Variants in MGME1 observed in about 807,000 individuals in gnomAD.
The protein encoded by MGME1 is mitochondrial genome maintenance exonuclease 1, also known as chromosome 20 open reading frame 72.
In MGME1, 22 loss-of-function variants were observed where a neutral mutation model predicts 33.0. The observed-to-expected ratio is 0.67, with a 90% CI of 0.48 to 0.95. The LOEUF (loss-of-function observed/expected upper bound fraction) is 0.95, where lower values mean the gene tolerates loss of function less well. Among genes scored for constraint, MGME1 ranks in the 40% least tolerant of loss-of-function variants. The pLI is 0.00. For missense variants in MGME1, 383 were observed against 397.8 expected (o/e 0.96, Z 0.32); for synonymous variants, 133 against 144.0 (o/e 0.92, Z 0.55).
chr20:17,974,055 T>TTGTG (rs10656525), intron 2 of MGME1, among the ~76,000 whole-genome samples: 44 of 109,502 alleles, frequency 4.0e-4, no homozygotes, highest in Non-Finnish European at 6.3e-4. Flanking sequence ...TTGAGTCTCT[T>TTGTG]TGTGTGTTTT....
intron 3 of MGME1, among the ~76,000 whole-genome samples, chr20:17,985,159 C>T (rs6111775): frequency 0.28 from 42,651 of 152,066 alleles, 6,218 homozygotes; most frequent in East Asian, 0.43. Context: ...CATGGTGGCT[C>T]ATGCCTGTAA....
Position 17,990,813 on chromosome 20 carries a change from TAACTATTTCTGGCGTGAGTCA to T in MGME1, c.*706_*726del, listed in dbSNP as rs1376217680. 6.6e-6 allele frequency: 1 copy of T among 152,244 alleles called. No homozygotes were observed. The highest frequency in any genetic ancestry group is 2.4e-5 in the African/African-American group (1 of 41,462). The allele number at this position is 152,244 out of a possible 1,614,324, so 9.4% of individuals were successfully genotyped here. A position where few individuals can be genotyped will look rare whatever the true frequency, so the allele number is the denominator to read the frequency against. On this transcript the variant is annotated 3_prime_UTR_variant, in exon 5 of 5. Transcript: ENST00000377710. ...AACATCACAATTCTAAGTGTTTTAGTAACTATTTCTGGCGTGAGTCAACAGATCATGTAGATAGAGTCAATT... is the reference window on the plus strand; with the variant it reads ...AACATCACAATTCTAAGTGTTTTAGTACAGATCATGTAGATAGAGTCAATT...
chr20:17,973,483 AC>A (rs2035780160), intron 2 of MGME1, among the ~76,000 whole-genome samples: 2 of 152,066 alleles, frequency 1.3e-5, no homozygotes, highest in African/African-American at 4.8e-5. Context: ...TTGCATCTCT[AC>A]AAAAAAAAAA....
At chr20:17,968,762 G>T, upstream of MGME1, 3 of 358,460 alleles carry the variant, frequency 8.4e-6, no homozygotes, top group Non-Finnish European at 1.5e-5. Flanking sequence ...GGAAGCAACG[G>T]ACACTCTCCC....
intron 3 of MGME1, among the ~76,000 whole-genome samples, chr20:17,979,419 T>A (rs1297449414): frequency 6.6e-6 from 1 of 150,698 alleles, no homozygotes; most frequent in Non-Finnish European, 1.5e-5. Context: ...ATTTTATTTA[T>A]TTATTTTTTT....
chr20:17,981,750 C>T (rs2036027936), intron 3 of MGME1, among the ~76,000 whole-genome samples: 2 of 151,836 alleles, frequency 1.3e-5, no homozygotes, highest in Admixed American at 1.3e-4. Context: ...CTATAACCTC[C>T]GCCTCCCAGG....
rs2035850666 is a variant in MGME1, at chr20:17,975,771, T to C, written c.599T>C (p.Leu200Pro). The stretch of plus-strand genomic sequence containing the variant: ...ACCTTAAAAGAGAGAGATGAAAATC[T>C]CCTCAAGTCTGGTTACATTGAAAGT... ...QETLKERDEN[L>P]LKSGYIESVQ... The change falls in exon 3 of 5, where the codon CTC becomes CCC. Residue 200 changes from leucine (L) to proline (P), a missense_variant. By Grantham distance (98) the Leu-to-Pro change is moderately conservative (BLOSUM62 -3). Transcript: ENST00000377710. The C allele has an allele frequency of 1.2e-6, 2 of 1,613,976 alleles. No homozygotes were observed. The highest frequency in any genetic ancestry group is 1.1e-5 in the South Asian group (1 of 91,084).
upstream of MGME1, chr20:17,968,779 A>G: frequency 3.2e-6 from 1 of 313,462 alleles, no homozygotes; most frequent in Non-Finnish European, 6.0e-6. Context: ...TCCCAGCAAG[A>G]CGCGTCTAGA....
intron 3 of MGME1, among the ~76,000 whole-genome samples, chr20:17,985,999 C>T (rs1305596643): frequency 6.6e-6 from 1 of 151,868 alleles, no homozygotes; most frequent in Non-Finnish European, 1.5e-5. Flanking sequence ...TTTGGCTATT[C>T]GGAGTCTTTT....
chr20:17,988,565 C>T (rs1046200304), intron 4 of MGME1, among the ~76,000 whole-genome samples: 5 of 151,366 alleles, frequency 3.3e-5, no homozygotes, highest in Non-Finnish European at 4.4e-5. Flanking sequence ...TTGCTTGAAC[C>T]CGCGAGGTGG....
chr20:17,985,253 A>G (rs959581595), intron 3 of MGME1, among the ~76,000 whole-genome samples: 1 of 151,952 alleles, frequency 6.6e-6, no homozygotes, highest in African/African-American at 2.4e-5. Context: ...GCAAAACCCC[A>G]TCTCTGCTAA....
chr20:17,990,658 A>G lies in MGME1; in HGVS notation c.*549A>G, dbSNP rs2036278943. On this transcript the variant is annotated 3_prime_UTR_variant, in exon 5 of 5. Transcript: ENST00000377710. ...GGAAAAGCTTACATTTAACCTTTTG[A>G]AAAAATAAATACGTGATTAGCCTCA... 6.5e-6 allele frequency: 1 copy of G among 154,290 alleles called. No individual in the cohort carries two copies. The highest frequency in any genetic ancestry group is 2.0e-4 in the South Asian group (1 of 4,936). The allele number at this position is 154,290 out of a possible 1,614,324, so 9.6% of individuals were successfully genotyped here. A position where few individuals can be genotyped will look rare whatever the true frequency, so the allele number is the denominator to read the frequency against.
At chr20:17,974,061 G>GTGTTTTTTTTTTTTTTT (rs760926414) in intron 2 of MGME1, among the ~76,000 whole-genome samples, 2 of 85,496 alleles carry the variant, frequency 2.3e-5, no homozygotes, top group Non-Finnish European at 4.7e-5. Context: ...CTCTTTGTGT[G>GTGTTTTTTTTTTTTTTT]TTTTTTTTTT....
chr20:17,976,639 C>T lies in MGME1; in HGVS notation c.731+736C>T, dbSNP rs577765292. ...AGAGATCTGAACTTACTAAAGCTTC[C>T]CATGGTTGTTTTGTTTTGTTTTGTT... is the stretch of plus-strand genomic sequence containing the variant. On this transcript the variant is annotated intron_variant, in intron 3 of 4. Coordinates refer to ENST00000377710, the MANE Select transcript of MGME1 (RefSeq NM_052865.4). Among the ~76,000 whole-genome samples the T allele has an allele frequency of 1.4e-3, 213 of 151,950 alleles. 1 individual carries two copies. The highest frequency in any genetic ancestry group is 2.6e-3 in the Non-Finnish European group (175 of 67,986).
chr20:17,975,998 T>C (rs939201948), intron 3 of MGME1, 95 bp downstream of exon 3: 1 of 999,936 alleles, frequency 1.0e-6, no homozygotes. Flanking sequence ...GTCTGTTTAA[T>C]GTCCAGACCT....
At chr20:17,975,541 G>C (rs2035839953) in intron 2 of MGME1, 143 bp from the exon 3 acceptor site, 4 of 641,034 alleles carry the variant, frequency 6.2e-6, no homozygotes, top group Non-Finnish European at 1.1e-5. Flanking sequence ...GGGCGACAGA[G>C]GGAGACTCCA....
In MGME1 at chr20:17,969,924, C is replaced by A. The variant is rs761126029; in HGVS notation, c.65C>A (p.Ser22Ter). The change falls in exon 2 of 5, where the codon TCA (serine) becomes TAA (stop). Residue 22 changes from serine to a stop codon, truncating the protein, a stop_gained. Coordinates refer to ENST00000377710, the MANE Select transcript of MGME1 (RefSeq NM_052865.4). LOFTEE classifies it high-confidence loss of function. ...QLRSSKFSVE[S>*]AALVAFSTSS... is the part of the protein sequence containing the mutation. ...AGGAGTTCAAAGTTTTCTGTGGAATCAGCTGCCCTTGTGGCTTTCTCTACT... is the reference window on the plus strand; with the variant it reads ...AGGAGTTCAAAGTTTTCTGTGGAATAAGCTGCCCTTGTGGCTTTCTCTACT... The A allele has an allele frequency of 6.2e-7, 1 of 1,614,110 alleles. No individual in the cohort carries two copies. Among genetic ancestry groups the A allele is most frequent in the Non-Finnish European group, 8.5e-7 (1 of 1,179,998 alleles).
intron 3 of MGME1, among the ~76,000 whole-genome samples, chr20:17,983,939 T>C (rs1015744267): frequency 5.9e-5 from 9 of 152,188 alleles, no homozygotes; most frequent in Non-Finnish European, 8.8e-5. Context: ...AGCTTTTTAT[T>C]TGGATGTATA....
At chr20:17,975,564 A>C in intron 2 of MGME1, 120 bp from the exon 3 acceptor site, 2 of 805,154 alleles carry the variant, frequency 2.5e-6, no homozygotes, top group Non-Finnish European at 3.9e-6. Flanking sequence ...CAAAAAAAAA[A>C]AAAAGAAAAA....
Sources: allele counts gnomAD v4.1 joint callset (sites outside exome capture counted in the v4.1 genomes callset), GRCh38; gene constraint gnomAD v4.1.1; transcripts MANE v1.5; gene names NCBI Gene and HGNC (gene_info 2026-07-23, HGNC 2026-07-21).